Variants in KCNQ1OT1 observed in about 807,000 individuals in gnomAD.
KCNQ1OT1 encodes KCNQ1 opposite strand/antisense transcript 1, also known as KCNQ1 antisense RNA 2 (non-protein coding).
At position 2,691,014 on chromosome 11, in the gene KCNQ1OT1, G is replaced by A. The variant is rs755273366; in HGVS notation, n.8981C>T. 1.5e-4 allele frequency: 58 copies of A among 398,572 alleles called. No individual in the cohort carries two copies. Among genetic ancestry groups the A allele is most frequent in the Non-Finnish European group, 2.6e-4 (58 of 226,086 alleles). 24.7% of individuals were successfully genotyped at this position (398,572 alleles called of 1,614,324 possible). A position where few individuals can be genotyped will look rare whatever the true frequency, so the allele number is the denominator to read the frequency against. ...TCAATGAAGTGGGCAAAAGCTCTGG[G>A]TGAACTCTTGGCTCAGGTATCAGGA... On this transcript the variant is annotated non_coding_transcript_exon_variant, in exon 1 of 1. Transcript: ENST00000597346. This position sits in a 1 kb window ranked among gnomAD's most constrained non-coding sequence, Gnocchi z 6.4.
At position 2,612,210 on chromosome 11, in the gene KCNQ1OT1, C is replaced by T; in HGVS notation, n.87785G>A. On this transcript the variant is annotated non_coding_transcript_exon_variant, in exon 1 of 1. Transcript: ENST00000597346. This position sits in a 1 kb window ranked among gnomAD's most constrained non-coding sequence, Gnocchi z 5.5. ...AGCAAGCATTACTGCCTGAGCTCTG[C>T]CTCCTGTCTGATCAGTGATGGCATT... 1.8e-5 allele frequency: 7 copies of T among 398,662 alleles called. No homozygotes were observed. The allele number at this position is 398,662 out of a possible 1,614,324, so 24.7% of individuals were successfully genotyped here.
Position 2,640,001 on chromosome 11 carries a change from C to T in KCNQ1OT1, n.59994G>A, listed in dbSNP as rs554433470. Reference sequence around the variant, plus strand: ...GAGGCTCCATGGGCGTGGGACCCTCCGAGCCAGGCGCGGGATATAATCTCC... The same window carrying T: ...GAGGCTCCATGGGCGTGGGACCCTCTGAGCCAGGCGCGGGATATAATCTCC... On this transcript the variant is annotated non_coding_transcript_exon_variant, in exon 1 of 1. Transcript: ENST00000597346. 1.3e-3 allele frequency: 210 copies of T among 156,368 alleles called. 1 individual carries two copies. The highest frequency in any genetic ancestry group is 3.0e-3 in the East Asian group (16 of 5,352). 9.7% of individuals were successfully genotyped at this position (156,368 alleles called of 1,614,324 possible). A position where few individuals can be genotyped will look rare whatever the true frequency, so the allele number is the denominator to read the frequency against.
exon 1 of KCNQ1OT1, chr11:2,684,664 G>A: frequency 2.5e-6 from 1 of 398,642 alleles, no homozygotes; most frequent in Non-Finnish European, 4.4e-6. Flanking sequence ...AGGCTTGTTG[G>A]ATGTGCAGGG....
exon 1 of KCNQ1OT1, chr11:2,666,394 C>T (rs1291085682): frequency 2.5e-5 from 10 of 398,558 alleles, no homozygotes; most frequent in African/African-American, 2.1e-4. Context: ...TTCGCAAATC[C>T]TTGAGCAAAA....
rs1267705721 is a variant in KCNQ1OT1, at chr11:2,669,667, T to A, written n.30328A>T. 2.5e-6 allele frequency: 1 copy of A among 398,506 alleles called. No homozygotes were observed. The highest frequency in any genetic ancestry group is 4.4e-6 in the Non-Finnish European group (1 of 226,072). The allele number at this position is 398,506 out of a possible 1,614,324, so 24.7% of individuals were successfully genotyped here. ...TACATTGGGAGTATATCTCACAGTA[T>A]TAGTGTAAGGCCTTGAGGAGATGGT... On this transcript the variant is annotated non_coding_transcript_exon_variant, in exon 1 of 1. Transcript: ENST00000597346. The surrounding 1 kb of genome is among the most constrained non-coding windows in gnomAD (Gnocchi z 5.6).
chr11:2,634,258 G>C (rs1217847908), exon 1 of KCNQ1OT1: 1 of 380,286 alleles, frequency 2.6e-6, no homozygotes, highest in African/African-American at 2.1e-5. Context: ...CCATGTTGGT[G>C]TGCTGCACTG....
chr11:2,632,928 A>G, exon 1 of KCNQ1OT1: 1 of 398,482 alleles, frequency 2.5e-6, no homozygotes, highest in Non-Finnish European at 4.4e-6. Context: ...CCTTTGAGTC[A>G]ATACCCGGTA....
In KCNQ1OT1 at chr11:2,668,272, T is replaced by C. The variant is rs994202949; in HGVS notation, n.31723A>G. 2.5e-6 allele frequency: 1 copy of C among 398,546 alleles called. No individual in the cohort carries two copies. The highest frequency in any genetic ancestry group is 2.1e-5 in the African/African-American group (1 of 48,636). The allele number at this position is 398,546 out of a possible 1,614,324, so 24.7% of individuals were successfully genotyped here. A position where few individuals can be genotyped will look rare whatever the true frequency, so the allele number is the denominator to read the frequency against. On this transcript the variant is annotated non_coding_transcript_exon_variant, in exon 1 of 1. Coordinates refer to ENST00000597346, the Ensembl canonical transcript of KCNQ1OT1. This position sits in a 1 kb window ranked among gnomAD's most constrained non-coding sequence, Gnocchi z 4.3. Reference sequence around the variant, plus strand: ...TGTAGGTTGCTGTTTAAGAATATTCTGTACATGCTTTTGGTGAGCATCAGG... The same window carrying C: ...TGTAGGTTGCTGTTTAAGAATATTCCGTACATGCTTTTGGTGAGCATCAGG...
In KCNQ1OT1 at chr11:2,653,155, C is replaced by G. The variant is rs993136348; in HGVS notation, n.46840G>C. ...CATCACAGCAGTAGAAAGCCAATGT[C>G]CCACCTTAGGAAATCCCTTTCCAAG... is the stretch of plus-strand genomic sequence containing the variant. On this transcript the variant is annotated non_coding_transcript_exon_variant, in exon 1 of 1. Coordinates refer to ENST00000597346, the Ensembl canonical transcript of KCNQ1OT1. This position sits in a 1 kb window ranked among gnomAD's most constrained non-coding sequence, Gnocchi z 5.3. The G allele has an allele frequency of 7.5e-6, 3 of 398,608 alleles. No homozygotes were observed. Among genetic ancestry groups the G allele is most frequent in the Non-Finnish European group, 1.3e-5 (3 of 226,126 alleles). The allele number at this position is 398,608 out of a possible 1,614,324, so 24.7% of individuals were successfully genotyped here. A position where few individuals can be genotyped will look rare whatever the true frequency, so the allele number is the denominator to read the frequency against.
At chr11:2,656,406 C>A (rs1395648781) in exon 1 of KCNQ1OT1, 2 of 398,480 alleles carry the variant, frequency 5.0e-6, no homozygotes, top group Non-Finnish European at 8.8e-6. Context: ...GGCACAGAGC[C>A]CTTTCACTCT....
exon 1 of KCNQ1OT1, chr11:2,684,759 G>A: frequency 2.5e-6 from 1 of 398,634 alleles, no homozygotes; most frequent in Non-Finnish European, 4.4e-6. Flanking sequence ...AAGGGGTAAG[G>A]GAGGACTGCC....
rs1848990816 is a variant in KCNQ1OT1, at chr11:2,612,380, A to C, written n.87615T>G. On this transcript the variant is annotated non_coding_transcript_exon_variant, in exon 1 of 1. Coordinates refer to ENST00000597346, the Ensembl canonical transcript of KCNQ1OT1. The surrounding 1 kb of genome is among the most constrained non-coding windows in gnomAD (Gnocchi z 5.5). ...ACAAAACTGGTCCCTCATGCCAAAA[A>C]GGTTGGGGACCACTATATTATGGTA... is the stretch of plus-strand genomic sequence containing the variant. 2.5e-6 allele frequency: 1 copy of C among 398,530 alleles called. No individual in the cohort carries two copies. 24.7% of individuals were successfully genotyped at this position (398,530 alleles called of 1,614,324 possible).
chr11:2,629,165 C>T (rs1404239959), exon 1 of KCNQ1OT1: 2 of 398,130 alleles, frequency 5.0e-6, no homozygotes, highest in Non-Finnish European at 8.9e-6. Flanking sequence ...TGCCTTGAAT[C>T]TGTAGATCAC....
chr11:2,630,631 T>G, exon 1 of KCNQ1OT1: 1 of 398,384 alleles, frequency 2.5e-6, no homozygotes, highest in East Asian at 3.6e-5. Context: ...ACCATTACAC[T>G]ATTAGAGTAT....
rs556175362 is a variant in KCNQ1OT1 at position 2,647,095 on chromosome 11, C to T, written n.52900G>A. Reference sequence around the variant, plus strand: ...AAGAGAGAAGGTGTTTAGCTTTTCCCCAGGTGGCTGTGGGTTTGTCATATA... The same window carrying T: ...AAGAGAGAAGGTGTTTAGCTTTTCCTCAGGTGGCTGTGGGTTTGTCATATA... On this transcript the variant is annotated non_coding_transcript_exon_variant, in exon 1 of 1. Transcript: ENST00000597346. The surrounding 1 kb of genome is among the most constrained non-coding windows in gnomAD (Gnocchi z 4.0). The T allele has an allele frequency of 1.4e-4, 55 of 398,444 alleles. No homozygotes were observed. Among genetic ancestry groups the T allele is most frequent in the Non-Finnish European group, 2.3e-4 (52 of 226,028 alleles). 24.7% of individuals were successfully genotyped at this position (398,444 alleles called of 1,614,324 possible). A position where few individuals can be genotyped will look rare whatever the true frequency, so the allele number is the denominator to read the frequency against.
In KCNQ1OT1 at chr11:2,690,650, T is replaced by C; in HGVS notation, n.9345A>G. Reference sequence around the variant, plus strand: ...ATGTGTCAGAATGCGTATTTGTCAGTGTATGTGTGTCAGTGCACATAGGTA... The same window carrying C: ...ATGTGTCAGAATGCGTATTTGTCAGCGTATGTGTGTCAGTGCACATAGGTA... On this transcript the variant is annotated non_coding_transcript_exon_variant, in exon 1 of 1. Coordinates refer to ENST00000597346, the Ensembl canonical transcript of KCNQ1OT1. The surrounding 1 kb of genome is among the most constrained non-coding windows in gnomAD (Gnocchi z 5.1). The C allele has an allele frequency of 2.5e-6, 1 of 398,646 alleles. No individual in the cohort carries two copies. Among genetic ancestry groups the C allele is most frequent in the Admixed American group, 4.4e-5 (1 of 22,740 alleles). The allele number at this position is 398,646 out of a possible 1,614,324, so 24.7% of individuals were successfully genotyped here. A position where few individuals can be genotyped will look rare whatever the true frequency, so the allele number is the denominator to read the frequency against.
In KCNQ1OT1 at chr11:2,655,000, C is replaced by T; in HGVS notation, n.44995G>A. On this transcript the variant is annotated non_coding_transcript_exon_variant, in exon 1 of 1. Coordinates refer to ENST00000597346, the Ensembl canonical transcript of KCNQ1OT1. The surrounding 1 kb of genome is among the most constrained non-coding windows in gnomAD (Gnocchi z 6.4). Reference sequence around the variant, plus strand: ...TCATGCAAAATAGAAAACACAGACACAATAAGGAAGGAAATGAAAATCACC... The same window carrying T: ...TCATGCAAAATAGAAAACACAGACATAATAAGGAAGGAAATGAAAATCACC... 1 of 398,572 alleles carries T rather than the reference C, an allele frequency of 2.5e-6. No individual in the cohort carries two copies. The allele number at this position is 398,572 out of a possible 1,614,324, so 24.7% of individuals were successfully genotyped here. A position where few individuals can be genotyped will look rare whatever the true frequency, so the allele number is the denominator to read the frequency against.
At chr11:2,688,039 C>T in exon 1 of KCNQ1OT1, 1 of 398,756 alleles carries the variant, frequency 2.5e-6, no homozygotes, top group East Asian at 3.6e-5. Flanking sequence ...CAGGCACACA[C>T]TCCACTCAGC....
At chr11:2,622,653 T>C (rs1416617118) in exon 1 of KCNQ1OT1, 2 of 398,518 alleles carry the variant, frequency 5.0e-6, no homozygotes, top group East Asian at 3.6e-5. Context: ...GTTTGATGAT[T>C]TTCTGATAGT....
Sources: gnomAD v4.1 joint callset for allele counts on GRCh38, gnomAD v4.1.1 for gene constraint, Gnocchi (gnomAD v3.1) non-coding constraint, MANE v1.5 for transcripts, NCBI Gene and HGNC (gene_info 2026-07-23, HGNC 2026-07-21) for gene names.